NLK: variants seen among roughly 807,000 people sequenced by gnomAD.
The protein encoded by NLK is serine/threonine-protein kinase NLK.
Under a neutral mutation model 59.0 loss-of-function variants are expected in NLK, and 11 were observed. The observed-to-expected ratio is 0.19, with a 90% CI of 0.12 to 0.31. NLK has a LOEUF of 0.31. Ranked by LOEUF, NLK falls within the 10% of genes least tolerant of loss-of-function variation. The probability of loss-of-function intolerance (pLI) is 1.00; values close to 1 mark genes in which losing one functional copy is unlikely to be tolerated. For missense variants in NLK, 410 were observed against 661.1 expected, an observed-to-expected ratio of 0.62 and a Z score of 4.16; for synonymous variants, 235 against 235.9, an observed-to-expected ratio of 1.00 and a Z score of 0.03.
intron 1 of NLK, among the ~76,000 whole-genome samples, chr17:28,080,733 A>G (rs1910315820): frequency 6.6e-6 from 1 of 152,228 alleles, no homozygotes; most frequent in Non-Finnish European, 1.5e-5. Context: ...AATCATGTCA[A>G]ATATTTTGAA....
At chr17:28,074,350 T>C (rs1300335300) in intron 1 of NLK, among the ~76,000 whole-genome samples, 1 of 152,172 alleles carries the variant, frequency 6.6e-6, no homozygotes, top group Admixed American at 6.5e-5. Context: ...AGAAAAAAAT[T>C]ACGCACTTTG....
At chr17:28,190,813 G>T in intron 8 of NLK, 1 of 458,760 alleles carries the variant, frequency 2.2e-6, no homozygotes, top group Non-Finnish European at 3.8e-6. Flanking sequence ...ACTTTGTGAT[G>T]GTAGATAATA....
intron 1 of NLK, among the ~76,000 whole-genome samples, chr17:28,075,345 T>C (rs1910130502): frequency 6.6e-6 from 1 of 152,330 alleles, no homozygotes; most frequent in Non-Finnish European, 1.5e-5. Flanking sequence ...AAATTCTGAA[T>C]CAAAGGCAAG....
chr17:28,135,253 G>T (rs949762689), intron 3 of NLK, among the ~76,000 whole-genome samples: 1 of 152,114 alleles, frequency 6.6e-6, no homozygotes, highest in African/African-American at 2.4e-5. Context: ...CCACCCTCAG[G>T]CTCAGTGATT....
At chr17:28,122,141 A>G (rs575881109) in intron 1 of NLK, among the ~76,000 whole-genome samples, 95 of 152,240 alleles carry the variant, frequency 6.2e-4, no homozygotes, top group Non-Finnish European at 1.2e-3. Flanking sequence ...AGATGTTCAT[A>G]TACATAAGAA....
intron 1 of NLK, among the ~76,000 whole-genome samples, chr17:28,111,896 G>GTGGGGT (rs1394476582): frequency 3.0e-5 from 2 of 67,484 alleles, no homozygotes; most frequent in Non-Finnish European, 5.4e-5. Context: ...GTGTGTGTGT[G>GTGGGGT]GTGTGTGTGT....
the NLK span, among the ~76,000 whole-genome samples, chr17:28,203,539 C>CT: frequency 9.9e-5 from 15 of 151,958 alleles, no homozygotes; most frequent in South Asian, 2.7e-3. Flanking sequence ...ATCTTTCTTT[C>CT]TTTTTTTTAT....
intron 3 of NLK, among the ~76,000 whole-genome samples, chr17:28,151,990 C>A (rs1907499655): frequency 6.6e-6 from 1 of 152,084 alleles, no homozygotes; most frequent in Non-Finnish European, 1.5e-5. Context: ...TTTTGAATAC[C>A]TTTTCAGTTT....
intron 8 of NLK, among the ~76,000 whole-genome samples, chr17:28,187,282 A>G (rs1207944973): frequency 1.3e-5 from 2 of 151,838 alleles, no homozygotes; most frequent in African/African-American, 4.9e-5. Flanking sequence ...CTGAGATCCC[A>G]TGTTTTGTTT....
rs979988810 is a variant in NLK, at chr17:28,181,832, G to A, written c.1150-3347G>A. 4.6e-5 allele frequency among the ~76,000 whole-genome samples: 7 copies of A among 152,016 alleles called. No individual in the cohort carries two copies. In the East Asian group the frequency reaches 5.8e-4, roughly 13 times the overall value. ...TTGAGATCAGCCTGGGCAATGTCAC[G>A]AAACCGTGTCTCTAAAAAAATACAA... On this transcript the variant is annotated intron_variant, in intron 7 of 10. Transcript: ENST00000407008.
chr17:28,108,175 G>T lies in NLK; in HGVS notation c.459-14428G>T, dbSNP rs561094232. Among the ~76,000 whole-genome samples, 3 of 152,178 alleles carry T rather than the reference G, an allele frequency of 2.0e-5. No homozygotes were observed. The South Asian group carries it at 6.2e-4, about 32-fold the overall frequency. On this transcript the variant is annotated intron_variant, in intron 1 of 10. Coordinates refer to ENST00000407008, the MANE Select transcript of NLK (RefSeq NM_016231.5). ...TCCAGGAGGCAGAGGTTGTAGCCGA[G>T]ATCACATCACTGTGCTCCAGCCTGG...
At chr17:28,147,152 A>G (rs1234295774) in intron 3 of NLK, among the ~76,000 whole-genome samples, 4 of 152,086 alleles carry the variant, frequency 2.6e-5, no homozygotes, top group African/African-American at 4.8e-5. Flanking sequence ...TCATTGAGTT[A>G]ACATGTTCTC....
At chr17:28,118,106 G>C (rs999483780) in intron 1 of NLK, among the ~76,000 whole-genome samples, 6 of 152,044 alleles carry the variant, frequency 3.9e-5, no homozygotes, top group African/African-American at 1.4e-4. Context: ...TTTTGCCTCA[G>C]TTTGCTATTG....
intron 1 of NLK, among the ~76,000 whole-genome samples, chr17:28,105,128 C>A (rs1447569242): frequency 2.6e-5 from 4 of 152,192 alleles, no homozygotes. Context: ...TTCTACATGA[C>A]TGTCTCTGAT....
chr17:28,115,826 C>G (rs1177615783), intron 1 of NLK, among the ~76,000 whole-genome samples: 1 of 151,168 alleles, frequency 6.6e-6, no homozygotes, highest in Non-Finnish European at 1.5e-5. Context: ...AGCTTTAATC[C>G]CAGATATTAC....
chr17:28,189,117 T>G (rs2041534071), intron 8 of NLK, among the ~76,000 whole-genome samples: 1 of 152,062 alleles, frequency 6.6e-6, no homozygotes, highest in Admixed American at 6.6e-5. Context: ...ACACACAGTT[T>G]GTTCAGTATC....
intron 3 of NLK, among the ~76,000 whole-genome samples, chr17:28,157,934 G>A (rs923626718): frequency 2.0e-5 from 3 of 152,224 alleles, no homozygotes; most frequent in African/African-American, 7.2e-5. Context: ...GACCTACTAT[G>A]TGCACTATAT....
chr17:28,081,564 T>C (rs950612337), intron 1 of NLK, among the ~76,000 whole-genome samples: 1 of 152,110 alleles, frequency 6.6e-6, no homozygotes, highest in African/African-American at 2.4e-5. Flanking sequence ...TAAAAAGAAC[T>C]GGAAGAAAGT....
At position 28,163,644 on chromosome 17, in the gene NLK, A is replaced by T; in HGVS notation, c.837+16A>T. 6.9e-7 allele frequency: 1 copy of T among 1,452,730 alleles called. No individual in the cohort carries two copies. Among genetic ancestry groups the T allele is most frequent in the Non-Finnish European group, 9.6e-7 (1 of 1,043,182 alleles). 90.0% of individuals were successfully genotyped at this position (1,452,730 alleles called of 1,614,324 possible). ...TGTTCTAAAGGTAGCTTTTCAGTTT[A>T]TTTAAATACCTGGGAAAAATCAGAA... On this transcript the variant is annotated intron_variant, in intron 5 of 10. Transcript: ENST00000407008.
Sources: gnomAD v4.1 joint callset for allele counts (sites outside exome capture counted in the v4.1 genomes callset) on GRCh38, gnomAD v4.1.1 for gene constraint, MANE v1.5 for transcripts, NCBI Gene and HGNC (gene_info 2026-07-23, HGNC 2026-07-21) for gene names.